The following ATP2A3 variants were observed in gnomAD, a reference collection of about 807,000 sequenced individuals.
The protein encoded by ATP2A3 is ATPase sarcoplasmic/endoplasmic reticulum Ca2+ transporting 3.
Under a neutral mutation model 106.8 loss-of-function variants are expected in ATP2A3, and 61 were observed. The ratio of observed to expected loss-of-function variants is 0.57; its 90% CI spans 0.46 to 0.71. ATP2A3 has a LOEUF of 0.71. ATP2A3 is among the 30% of genes least tolerant of loss of function. The pLI is 0.00. For missense variants in ATP2A3, 1,201 were observed against 1,423.5 expected, an observed-to-expected ratio of 0.84 and a Z score of 2.52; for synonymous variants, 611 against 609.3, an observed-to-expected ratio of 1.00 and a Z score of -0.04.
In ATP2A3 at chr17:3,955,909, T is replaced by A. The variant is rs146507701; in HGVS notation, c.119-2199A>T. Among the ~76,000 whole-genome samples the A allele has an allele frequency of 0.012, 1,839 of 150,740 alleles. 44 individuals are homozygous for A. Among genetic ancestry groups the A allele is most frequent in the African/African-American group, 0.042 (1,741 of 40,980 alleles). On this transcript the variant is annotated intron_variant, in intron 1 of 20. Transcript: ENST00000397041. This position sits in a 1 kb window ranked among gnomAD's most constrained non-coding sequence, Gnocchi z 4.2. ...TTTATTTTTTTTTTTTGAGATGGAG[T>A]CTTGCTCTCTCGCCCAGGCTGGAGC...
chr17:3,950,086 TG>T (rs1019483761), intron 7 of ATP2A3, among the ~76,000 whole-genome samples: 1 of 150,102 alleles, frequency 6.7e-6, no homozygotes, highest in Non-Finnish European at 1.5e-5. Flanking sequence ...AGCTTGAACC[TG>T]GGGGGCGGGG....
chr17:3,927,910 C>CTAGG, intron 20 of ATP2A3: 1 of 1,603,850 alleles, frequency 6.2e-7, no homozygotes, highest in Non-Finnish European at 8.5e-7. Flanking sequence ...CCAGCCCAAC[C>CTAGG]TAGGCCCCTG....
rs2052586104 is a variant in ATP2A3 at position 3,924,088 on chromosome 17, C to T, written c.*1334G>A. On this transcript the variant is annotated 3_prime_UTR_variant, in exon 21 of 21. Coordinates refer to ENST00000397041, the MANE Select transcript of ATP2A3 (RefSeq NM_005173.4). This position sits in a 1 kb window ranked among gnomAD's most constrained non-coding sequence, Gnocchi z 6.4. ...GGGTGAGGCGTAGGGGAGGGGGCTA[C>T]AGAACATGGAGCCCATTGGTCTGCA... 1 of 151,968 alleles carries T rather than the reference C, an allele frequency of 6.6e-6. No individual in the cohort carries two copies. The highest frequency in any genetic ancestry group is 2.1e-4 in the South Asian group (1 of 4,808). The allele number at this position is 151,968 out of a possible 1,614,324, so 9.4% of individuals were successfully genotyped here. A position where few individuals can be genotyped will look rare whatever the true frequency, so the allele number is the denominator to read the frequency against.
chr17:3,929,302 G>A lies in ATP2A3; in HGVS notation c.2862+26C>T. The A allele has an allele frequency of 6.5e-7, 1 of 1,531,616 alleles. No individual in the cohort carries two copies. The highest frequency in any genetic ancestry group is 8.8e-7 in the Non-Finnish European group (1 of 1,130,592). 94.9% of individuals were successfully genotyped at this position (1,531,616 alleles called of 1,614,324 possible). On this transcript the variant is annotated intron_variant, in intron 19 of 20. Transcript: ENST00000397041. The surrounding 1 kb of genome is among the most constrained non-coding windows in gnomAD (Gnocchi z 4.3). ...GGGCCTGTGATGTCCAGGGACCAGGGCAGTGGGGCAGGCGGGGTGACTCAC... is the reference window on the plus strand; with the variant it reads ...GGGCCTGTGATGTCCAGGGACCAGGACAGTGGGGCAGGCGGGGTGACTCAC...
chr17:3,959,797 G>T (rs944975668), intron 1 of ATP2A3, among the ~76,000 whole-genome samples: 5 of 152,260 alleles, frequency 3.3e-5, no homozygotes, highest in African/African-American at 1.2e-4. Context: ...GGGAGCCACT[G>T]CGGGGCCTTG....
chr17:3,942,837 T>G, intron 11 of ATP2A3, 106 bp from the exon 12 acceptor site: 1 of 1,524,694 alleles, frequency 6.6e-7, no homozygotes, highest in Admixed American at 1.7e-5. Flanking sequence ...CTGTGTGGGA[T>G]GACATCTACA....
intron 14 of ATP2A3, among the ~76,000 whole-genome samples, chr17:3,938,975 TG>T (rs2053594266): frequency 6.6e-6 from 1 of 152,134 alleles, no homozygotes; most frequent in Non-Finnish European, 1.5e-5. Flanking sequence ...AAGACTAGCC[TG>T]GGCAACATAG....
In ATP2A3 at chr17:3,936,828, A is replaced by C; in HGVS notation, c.2322-359T>G. ...GCACATGCCACACCATCCGGCAAAC[A>C]CAAGCAAACACCTACATATCTGCCC... On this transcript the variant is annotated intron_variant, in intron 15 of 20. Coordinates refer to ENST00000397041, the MANE Select transcript of ATP2A3 (RefSeq NM_005173.4). This position sits in a 1 kb window ranked among gnomAD's most constrained non-coding sequence, Gnocchi z 5.4. 2.7e-6 allele frequency: 1 copy of C among 370,204 alleles called. No individual in the cohort carries two copies. The allele number at this position is 370,204 out of a possible 1,614,324, so 22.9% of individuals were successfully genotyped here. A position where few individuals can be genotyped will look rare whatever the true frequency, so the allele number is the denominator to read the frequency against.
intron 20 of ATP2A3, chr17:3,927,611 A>C (rs2052779555): frequency 1.0e-6 from 1 of 985,274 alleles, no homozygotes; most frequent in Non-Finnish European, 1.2e-6. Context: ...GTCACAGAGC[A>C]TTGGCCAGAA....
At chr17:3,931,744 A>C (rs1222768819) in intron 17 of ATP2A3, among the ~76,000 whole-genome samples, 2 of 152,038 alleles carry the variant, frequency 1.3e-5, no homozygotes, top group Admixed American at 1.3e-4. Context: ...GATGGTCTAG[A>C]ACTCCTGACC....
In ATP2A3 at chr17:3,930,897, C is replaced by T; in HGVS notation, c.2611-463G>A. 1 of 275,620 alleles carries T rather than the reference C, an allele frequency of 3.6e-6. No homozygotes were observed. The highest frequency in any genetic ancestry group is 2.2e-5 in the African/African-American group (1 of 45,692). The allele number at this position is 275,620 out of a possible 1,614,324, so 17.1% of individuals were successfully genotyped here. ...GCGTGGTGGCTCATGCCTGTCATCC[C>T]AGGGAGGCGGAGGCGGGTGGATCAC... is the stretch of plus-strand genomic sequence containing the variant. On this transcript the variant is annotated intron_variant, in intron 17 of 20. Transcript: ENST00000397041. The surrounding 1 kb of genome is among the most constrained non-coding windows in gnomAD (Gnocchi z 5.4).
rs972526886 is a variant in ATP2A3, at chr17:3,925,173, C to G, written c.*249G>C. On this transcript the variant is annotated 3_prime_UTR_variant, in exon 21 of 21. Transcript: ENST00000397041. This position sits in a 1 kb window ranked among gnomAD's most constrained non-coding sequence, Gnocchi z 4.2. ...GCCTGCAGCTCCTGGGCCAGAGCTG[C>G]AGAGCAGGGAACTTCCCAGGAGAGT... 1.6e-6 allele frequency: 1 copy of G among 616,628 alleles called. No individual in the cohort carries two copies. Among genetic ancestry groups the G allele is most frequent in the Non-Finnish European group, 2.8e-6 (1 of 353,612 alleles). The allele number at this position is 616,628 out of a possible 1,614,324, so 38.2% of individuals were successfully genotyped here.
At chr17:3,945,917 T>G (rs752002915) in intron 8 of ATP2A3, among the ~76,000 whole-genome samples, 2 of 152,196 alleles carry the variant, frequency 1.3e-5, no homozygotes, top group Non-Finnish European at 2.9e-5. Flanking sequence ...ATCCAGCACG[T>G]AAGGCCCCTA....
chr17:3,963,314 G>A (rs546580252), intron 1 of ATP2A3, among the ~76,000 whole-genome samples: 1 of 152,350 alleles, frequency 6.6e-6, no homozygotes, highest in South Asian at 2.1e-4. Context: ...CCGATGCTGC[G>A]GGCATGAGCA....
chr17:3,923,878 CCA>C lies in ATP2A3; in HGVS notation c.*1542_*1543del, dbSNP rs1250910373. The C allele has an allele frequency of 2.0e-5, 3 of 152,282 alleles. No homozygotes were observed. The highest frequency in any genetic ancestry group is 7.2e-5 in the African/African-American group (3 of 41,432). 9.4% of individuals were successfully genotyped at this position (152,282 alleles called of 1,614,324 possible). ...CAGACGCTGAGGATCCTCCGTTCCC[CCA>C]GTCACACAACCTTTATTTCTCTACC... On this transcript the variant is annotated 3_prime_UTR_variant, in exon 21 of 21. Coordinates refer to ENST00000397041, the MANE Select transcript of ATP2A3 (RefSeq NM_005173.4).
intron 14 of ATP2A3, among the ~76,000 whole-genome samples, chr17:3,939,560 G>A (rs532987246): frequency 1.3e-5 from 2 of 151,876 alleles, no homozygotes; most frequent in Non-Finnish European, 2.9e-5. Flanking sequence ...AGGCTGAGGC[G>A]GGCGGATCAC....
chr17:3,960,642 C>T (rs2055085654), intron 1 of ATP2A3, among the ~76,000 whole-genome samples: 1 of 152,196 alleles, frequency 6.6e-6, no homozygotes, highest in South Asian at 2.1e-4. Flanking sequence ...TGAAAAGACA[C>T]CCAATGTGAC....
intron 7 of ATP2A3, among the ~76,000 whole-genome samples, chr17:3,949,164 G>A (rs2054281243): frequency 6.6e-6 from 1 of 150,732 alleles, no homozygotes; most frequent in Non-Finnish European, 1.5e-5. Flanking sequence ...GGAGTTCTGG[G>A]TGAGTTTCAC....
In ATP2A3 at chr17:3,927,913, G is replaced by C. The variant is rs548041207; in HGVS notation, c.2980+750C>G. ...CTCAGCCACTGCCCAGCCCAACCTA[G>C]GCCCCTGCACAGCAGTCCAGCCATA... On this transcript the variant is annotated intron_variant, in intron 20 of 20. Coordinates refer to ENST00000397041, the MANE Select transcript of ATP2A3 (RefSeq NM_005173.4). 14 of 1,605,218 alleles carry C rather than the reference G, an allele frequency of 8.7e-6. No homozygotes were observed. In the East Asian group the frequency reaches 2.7e-4, roughly 31 times the overall value.
Sources: gnomAD v4.1 joint callset for allele counts (sites outside exome capture counted in the v4.1 genomes callset) on GRCh38, gnomAD v4.1.1 for gene constraint, Gnocchi (gnomAD v3.1) non-coding constraint, MANE v1.5 for transcripts, NCBI Gene and HGNC (gene_info 2026-07-23, HGNC 2026-07-21) for gene names.